Variants in PPP4R1 observed in about 807,000 individuals in gnomAD.
The protein encoded by PPP4R1 is protein phosphatase 4 regulatory subunit 1.
In PPP4R1, 42 loss-of-function variants were observed where a neutral mutation model predicts 111.2. That is an observed-to-expected ratio of 0.38 (90% CI 0.29 to 0.49). The LOEUF (loss-of-function observed/expected upper bound fraction) is 0.49, where lower values mean the gene tolerates loss of function less well. Ranked by LOEUF, PPP4R1 falls within the 20% of genes least tolerant of loss-of-function variation. PPP4R1 has a pLI of 0.97. For missense variants in PPP4R1, 1,012 were observed against 1,161.6 expected (o/e 0.87, Z 1.87); for synonymous variants, 409 against 405.5 (o/e 1.01, Z -0.10).
At chr18:9,561,291 A>C (rs1598900019) in intron 13 of PPP4R1, among the ~76,000 whole-genome samples, 1 of 151,310 alleles carries the variant, frequency 6.6e-6, no homozygotes, top group Admixed American at 6.6e-5. Context: ...ACACGTACAG[A>C]CAGTCATGGT....
intron 4 of PPP4R1, among the ~76,000 whole-genome samples, chr18:9,593,317 A>G (rs1246273596): frequency 6.6e-6 from 1 of 152,196 alleles, no homozygotes; most frequent in Non-Finnish European, 1.5e-5. Context: ...TTTCTTAAGC[A>G]GACTTTCTTA....
At chr18:9,613,423 G>A (rs2067618606) in intron 2 of PPP4R1, 1 of 152,162 alleles carries the variant, frequency 6.6e-6, no homozygotes, top group African/African-American at 2.4e-5. Context: ...GTACATATAA[G>A]ACGAAAAATT....
upstream of PPP4R1, chr18:9,614,994 G>C (rs1428777400): frequency 6.6e-6 from 1 of 152,200 alleles, no homozygotes; most frequent in Non-Finnish European, 1.5e-5. This position sits in a 1 kb window ranked among gnomAD's most constrained non-coding sequence, Gnocchi z 4.1. Context: ...CGCAGCCAGC[G>C]CCCCATCCCC....
intron 8 of PPP4R1, among the ~76,000 whole-genome samples, chr18:9,583,708 A>G (rs901344573): frequency 2.6e-5 from 4 of 152,136 alleles, no homozygotes; most frequent in African/African-American, 7.2e-5. Flanking sequence ...AGTAGGATCT[A>G]TTAGTATTTA....
chr18:9,550,045 C>T lies in PPP4R1; in HGVS notation c.2547+7G>A, dbSNP rs757634113. On this transcript the variant is annotated splice_region_variant and intron_variant, in intron 18 of 19. Transcript: ENST00000400556. ...TCACAAACAGGTAAGCCCAGGGCCTCGCTTACCTGGCAGACAAAGACAAAG... is the reference window on the plus strand; with the variant it reads ...TCACAAACAGGTAAGCCCAGGGCCTTGCTTACCTGGCAGACAAAGACAAAG... 14 of 1,614,030 alleles carry T rather than the reference C, an allele frequency of 8.7e-6. No homozygotes were observed. Among genetic ancestry groups the T allele is most frequent in the Non-Finnish European group, 1.2e-5 (14 of 1,180,030 alleles).
Position 9,577,100 on chromosome 18 carries a change from T to TAAAGAAGAAC in PPP4R1, c.1009_1010insGTTCTTCTTT (p.Lys337SerfsTer16). 1 of 1,595,250 alleles carries TAAAGAAGAAC rather than the reference T, an allele frequency of 6.3e-7. No homozygotes were observed. Among genetic ancestry groups the TAAAGAAGAAC allele is most frequent in the Non-Finnish European group, 8.6e-7 (1 of 1,169,040 alleles). Reference sequence around the variant, plus strand: ...TTCTACTGACATCTCTTCTGAACTTTTGCTTTCTTCTTTAAAATACTGGCC... The same window carrying TAAAGAAGAAC: ...TTCTACTGACATCTCTTCTGAACTTTAAAGAAGAACTGCTTTCTTCTTTAAAATACTGGCC... On this transcript the variant is annotated frameshift_variant, in exon 10 of 20. Transcript: ENST00000400556. LOFTEE classifies it high-confidence loss of function.
chr18:9,558,876 G>C (rs897477660), intron 14 of PPP4R1, among the ~76,000 whole-genome samples: 2 of 152,066 alleles, frequency 1.3e-5, no homozygotes, highest in Admixed American at 6.6e-5. Flanking sequence ...CGTGAAGCAA[G>C]GGTTTACCTT....
chr18:9,562,105 C>T, intron 12 of PPP4R1, 30 bp from the exon 13 acceptor site: 1 of 1,496,454 alleles, frequency 6.7e-7, no homozygotes. Flanking sequence ...ACTTAAAGAG[C>T]TGTCCTGTCT....
chr18:9,594,121 T>C (rs2067255317), intron 3 of PPP4R1: 1 of 290,336 alleles, frequency 3.4e-6, no homozygotes, highest in Non-Finnish European at 6.7e-6. Flanking sequence ...GTAGAGATGC[T>C]GTTTCACCAT....
At chr18:9,607,777 TTC>T (rs1218573687) in intron 2 of PPP4R1, among the ~76,000 whole-genome samples, 1 of 150,144 alleles carries the variant, frequency 6.7e-6, no homozygotes, top group Non-Finnish European at 1.5e-5. Flanking sequence ...CAGTTTTTCT[TTC>T]TTTCTTTTTT....
At chr18:9,550,024 A>G (rs758130276) in intron 18 of PPP4R1, 28 bp downstream of exon 18, 1 of 1,613,780 alleles carries the variant, frequency 6.2e-7, no homozygotes, top group South Asian at 1.1e-5. Context: ...AAAAACTCAC[A>G]AACAGGTAAG....
chr18:9,562,808 C>G (rs2066700325), intron 12 of PPP4R1: 2 of 931,990 alleles, frequency 2.1e-6, no homozygotes, highest in African/African-American at 1.8e-5. Context: ...AATGGCTAAG[C>G]AGCACTGATA....
intron 2 of PPP4R1, among the ~76,000 whole-genome samples, chr18:9,599,300 T>C (rs2145286331): frequency 6.6e-6 from 1 of 152,182 alleles, no homozygotes; most frequent in Non-Finnish European, 1.5e-5. Context: ...AAGGTAAAAA[T>C]GCATATTAAT....
chr18:9,558,736 C>A (rs1415011651), intron 14 of PPP4R1, among the ~76,000 whole-genome samples: 1 of 149,734 alleles, frequency 6.7e-6, no homozygotes, highest in African/African-American at 2.5e-5. Context: ...AGATCAACTT[C>A]ACTGAAGGAA....
chr18:9,588,716 T>G lies in PPP4R1; in HGVS notation c.433A>C (p.Asn145His), dbSNP rs2067161548. The G allele has an allele frequency of 6.2e-7, 1 of 1,608,336 alleles. No homozygotes were observed. The highest frequency in any genetic ancestry group is 1.7e-5 in the Admixed American group (1 of 59,370). Residue 145 changes from asparagine to histidine, a missense_variant, in exon 5 of 20, where the codon AAT (asparagine) becomes CAT (histidine). Around this residue, in one of 2 missense-constraint regions of PPP4R1, gnomAD observed 707 missense variants for 742.1 expected, o/e 0.95. Transcript: ENST00000400556. ...IVVRYLADQN[N>H]QVRKTSQAAL... ...CATATAAATGGTACTCTTACCTGAT[T>G]ATTCTGATCTGCAAGGTATCTAACC...
At chr18:9,586,779 C>T (rs569311827) in intron 6 of PPP4R1, among the ~76,000 whole-genome samples, 61 of 152,152 alleles carry the variant, frequency 4.0e-4, no homozygotes, top group African/African-American at 1.4e-3. Context: ...AATTTCCAGA[C>T]GAATTTATCA....
chr18:9,605,511 C>T (rs1480559164), intron 2 of PPP4R1, among the ~76,000 whole-genome samples: 2 of 132,598 alleles, frequency 1.5e-5, no homozygotes, highest in Middle Eastern at 4.0e-3. Flanking sequence ...CTATCAGGTG[C>T]TCCTTAATCT....
chr18:9,561,170 G>A (rs943527149), intron 13 of PPP4R1, among the ~76,000 whole-genome samples: 1 of 150,806 alleles, frequency 6.6e-6, no homozygotes, highest in East Asian at 1.9e-4. Context: ...AGTAAGCTGA[G>A]ATGGTGCCAC....
rs2066449177 is a variant in PPP4R1, at chr18:9,549,216, T to C, written c.2670A>G (p.Arg890=). The C allele has an allele frequency of 2.5e-6, 4 of 1,613,910 alleles. No individual in the cohort carries two copies. Among genetic ancestry groups the C allele is most frequent in the Non-Finnish European group, 3.4e-6 (4 of 1,179,778 alleles). ...NVRVLLAKTL[R]QTLLEKDYFL... is the part of the protein sequence containing the mutation. ...ACCTACCTTTTTCTAGTAGAGTTTG[T>C]CTTAATGTCTTTGCAAGCAGCACTC... Residue 890 remains arginine (R), a synonymous_variant, in exon 19 of 20, where the codon AGA becomes AGG. Coordinates refer to ENST00000400556, the MANE Select transcript of PPP4R1 (RefSeq NM_001042388.3).
Sources: allele counts gnomAD v4.1 joint callset (sites outside exome capture counted in the v4.1 genomes callset), GRCh38; gene constraint gnomAD v4.1.1; regional missense constraint gnomAD v4.1.1; non-coding constraint Gnocchi (gnomAD v3.1); transcripts MANE v1.5; gene names NCBI Gene and HGNC (gene_info 2026-07-23, HGNC 2026-07-21).